DGKI: variants seen among roughly 807,000 people sequenced by gnomAD.
DGKI encodes diacylglycerol kinase iota, also known as DAG kinase iota.
In DGKI, 55 loss-of-function variants were observed where a neutral mutation model predicts 147.5. The observed-to-expected ratio is 0.37, with a 90% CI of 0.30 to 0.47. The LOEUF is 0.47. Among genes scored for constraint, DGKI ranks in the 20% least tolerant of loss-of-function variants. The pLI, the probability that DGKI is intolerant of heterozygous loss-of-function variation, is 1.00. For missense variants in DGKI, 1,007 were observed against 1,323.8 expected, an observed-to-expected ratio of 0.76 and a Z score of 3.71; for synonymous variants, 469 against 477.1, an observed-to-expected ratio of 0.98 and a Z score of 0.22.
At chr7:137,800,049 C>T (rs1227544417) in intron 1 of DGKI, among the ~76,000 whole-genome samples, 1 of 152,114 alleles carries the variant, frequency 6.6e-6, no homozygotes, top group Non-Finnish European at 1.5e-5. Flanking sequence ...GGCATGGTTG[C>T]TTTAGGACAA....
intron 1 of DGKI, among the ~76,000 whole-genome samples, chr7:137,713,470 T>C (rs1379362917): frequency 6.6e-6 from 1 of 152,224 alleles, no homozygotes; most frequent in Non-Finnish European, 1.5e-5. Flanking sequence ...CCCCATCCAA[T>C]AAATGAAATG....
intron 28 of DGKI, among the ~76,000 whole-genome samples, chr7:137,421,869 C>T (rs1812584792): frequency 1.1e-4 from 16 of 152,150 alleles, no homozygotes; most frequent in Admixed American, 9.8e-4. Context: ...CATTTCAATA[C>T]ACTTTAAAAT....
chr7:137,494,035 CA>C (rs1477092860), intron 21 of DGKI, among the ~76,000 whole-genome samples: 1 of 151,980 alleles, frequency 6.6e-6, no homozygotes. Flanking sequence ...AATACAACTG[CA>C]AGTTATTAAC....
intron 1 of DGKI, among the ~76,000 whole-genome samples, chr7:137,803,192 G>A (rs1021195564): frequency 1.3e-5 from 2 of 152,138 alleles, no homozygotes; most frequent in Admixed American, 1.3e-4. Flanking sequence ...GAAAACGCAG[G>A]TGAGACAAAA....
chr7:137,463,472 A>G lies in DGKI; in HGVS notation c.2735+17T>C, dbSNP rs773459160. On this transcript the variant is annotated intron_variant, in intron 27 of 32. Transcript: ENST00000614521. ...TCACAGTGGCACAGAGGAAAAGAAC[A>G]GCAAGAGAACTCTTACTGTAGCACG... The G allele has an allele frequency of 1.3e-5, 21 of 1,612,884 alleles. No individual in the cohort carries two copies. In the South Asian group the frequency reaches 2.1e-4, roughly 16 times the overall value.
intron 1 of DGKI, among the ~76,000 whole-genome samples, chr7:137,845,083 T>A (rs1798670444): frequency 6.6e-6 from 1 of 152,378 alleles, no homozygotes; most frequent in South Asian, 2.1e-4. Flanking sequence ...CATTTGGACC[T>A]GATCTGTGTG....
intron 12 of DGKI, among the ~76,000 whole-genome samples, chr7:137,588,115 CTTTAAAG>C (rs1819473310): frequency 6.6e-6 from 1 of 152,132 alleles, no homozygotes. Context: ...GAGATGATTG[CTTTAAAG>C]TTTATAGTTT....
chr7:137,595,302 T>C (rs896262881), intron 12 of DGKI, among the ~76,000 whole-genome samples: 2 of 152,218 alleles, frequency 1.3e-5, no homozygotes, highest in Admixed American at 1.3e-4. Context: ...GATCTGGCCA[T>C]TAGGAATTTA....
intron 7 of DGKI, among the ~76,000 whole-genome samples, chr7:137,622,452 G>A: frequency 6.6e-6 from 1 of 152,158 alleles, no homozygotes; most frequent in East Asian, 1.9e-4. Flanking sequence ...CAAAAGAATA[G>A]GGACATTGAG....
At position 137,618,127 on chromosome 7, in the gene DGKI, CTA is replaced by C. The variant is rs1164221520; in HGVS notation, c.993+1695_993+1696del. On this transcript the variant is annotated intron_variant, in intron 8 of 32. Transcript: ENST00000614521. ...TTGCTACTTGTTTCTTTCTAAAATA[CTA>C]TATATATATATATATATATATATTT... 2.3e-3 allele frequency among the ~76,000 whole-genome samples: 38 copies of C among 16,194 alleles called. 6 individuals carry two copies. The East Asian group carries it at 0.12, about 52-fold the overall frequency. The allele number at this position is 16,194 out of a possible 152,430, so 10.6% of individuals were successfully genotyped here. A position where few individuals can be genotyped will look rare whatever the true frequency, so the allele number is the denominator to read the frequency against.
chr7:137,470,966 A>G (rs2128928618), intron 23 of DGKI, among the ~76,000 whole-genome samples: 2 of 152,316 alleles, frequency 1.3e-5, no homozygotes, highest in Middle Eastern at 6.8e-3. Context: ...ATTTCTTATA[A>G]AGAATTAAGG....
chr7:137,532,711 A>AATT (rs1391567108), intron 20 of DGKI, among the ~76,000 whole-genome samples: 1 of 151,922 alleles, frequency 6.6e-6, no homozygotes, highest in Non-Finnish European at 1.5e-5. Flanking sequence ...TCTAAACCTG[A>AATT]CCCTCCCGCT....
chr7:137,581,638 C>T (rs1398352094), intron 15 of DGKI, among the ~76,000 whole-genome samples: 1 of 152,036 alleles, frequency 6.6e-6, no homozygotes, highest in East Asian at 1.9e-4. Context: ...AACTAGGTCT[C>T]AGGGTCCCAT....
chr7:137,421,041 A>G (rs1812548104), intron 28 of DGKI, among the ~76,000 whole-genome samples: 1 of 151,680 alleles, frequency 6.6e-6, no homozygotes, highest in Non-Finnish European at 1.5e-5. Context: ...AAAGAAAAAG[A>G]AAAAAAAATC....
In DGKI at chr7:137,383,109, T is replaced by C. The variant is rs941420106; in HGVS notation, c.*8111A>G. 6.6e-6 allele frequency: 1 copy of C among 151,894 alleles called. No homozygotes were observed. Among genetic ancestry groups the C allele is most frequent in the African/African-American group, 2.4e-5 (1 of 41,418 alleles). The allele number at this position is 151,894 out of a possible 1,614,324, so 9.4% of individuals were successfully genotyped here. ...TCCCAAACAACAAATGGGTAGTAAGTAGGGGAAAGAACACTAAATCCTTTG... is the reference window on the plus strand; with the variant it reads ...TCCCAAACAACAAATGGGTAGTAAGCAGGGGAAAGAACACTAAATCCTTTG... On this transcript the variant is annotated 3_prime_UTR_variant, in exon 33 of 33. Transcript: ENST00000614521.
chr7:137,416,771 T>C (rs1221412460), intron 28 of DGKI, among the ~76,000 whole-genome samples: 1 of 152,196 alleles, frequency 6.6e-6, no homozygotes, highest in Non-Finnish European at 1.5e-5. Flanking sequence ...TCCCAAGCAT[T>C]GTTATTTATG....
At chr7:137,516,674 G>C (rs1252252414) in intron 21 of DGKI, among the ~76,000 whole-genome samples, 1 of 151,822 alleles carries the variant, frequency 6.6e-6, no homozygotes, top group African/African-American at 2.4e-5. Flanking sequence ...TATAATGTTG[G>C]ATTTTCTAGT....
Position 137,382,623 on chromosome 7 carries a change from A to G in DGKI, c.*8597T>C, listed in dbSNP as rs1345636879. ...CTGAGTTTGATTTTCAATATCTGCTAACACTATCAGTTGTTTGAGATTACC... is the reference window on the plus strand; with the variant it reads ...CTGAGTTTGATTTTCAATATCTGCTGACACTATCAGTTGTTTGAGATTACC... On this transcript the variant is annotated 3_prime_UTR_variant, in exon 33 of 33. Coordinates refer to ENST00000614521, the MANE Select transcript of DGKI (RefSeq NM_001321708.2). The G allele has an allele frequency of 6.6e-6, 1 of 152,122 alleles. No homozygotes were observed. Among genetic ancestry groups the G allele is most frequent in the African/African-American group, 2.4e-5 (1 of 41,444 alleles). 9.4% of individuals were successfully genotyped at this position (152,122 alleles called of 1,614,324 possible).
rs991277687 is a variant in DGKI, at chr7:137,772,337, C to T, written c.401+74125G>A. On this transcript the variant is annotated intron_variant, in intron 1 of 32. Transcript: ENST00000614521. ...ATCTGCTTTTGGTCTGTTCTGTCTC[C>T]CCAACTAGACTGTGAATTCACATGT... 13 of 152,186 alleles carry T rather than the reference C, an allele frequency of 8.5e-5. No individual in the cohort carries two copies. In the East Asian group the frequency reaches 1.7e-3, roughly 20 times the overall value. 9.4% of individuals were successfully genotyped at this position (152,186 alleles called of 1,614,324 possible).
Sources: allele counts gnomAD v4.1 joint callset (sites outside exome capture counted in the v4.1 genomes callset), GRCh38; gene constraint gnomAD v4.1.1; transcripts MANE v1.5; gene names NCBI Gene and HGNC (gene_info 2026-07-23, HGNC 2026-07-21).